Variants in MEX3B observed in about 807,000 individuals in gnomAD.
MEX3B encodes mex-3 RNA binding family member B.
A neutral mutation model predicts 12.2 loss-of-function variants in MEX3B; 10 were observed. The ratio of observed to expected loss-of-function variants is 0.82; its 90% CI spans 0.51 to 1.40. The LOEUF is 1.40. MEX3B is among the 40% of genes most tolerant of loss of function. The pLI is 0.00. For synonymous variants in MEX3B, 498 were observed against 356.3 expected, an observed-to-expected ratio of 1.40 and a Z score of -4.48; for missense variants, 839 against 801.4, an observed-to-expected ratio of 1.05 and a Z score of -0.57.
rs776706874 is a variant in MEX3B, at chr15:82,044,089, GGCCGGACCC to G, written c.772_780del (p.Gly258_Gly260del). 1.9e-5 allele frequency: 31 copies of G among 1,611,590 alleles called. No individual in the cohort carries two copies. The highest frequency in any genetic ancestry group is 6.7e-5 in the African/African-American group (5 of 74,926). ...GTGGGCTTGCTCCAGAGGCTGCCTG[GGCCGGACCC>G]GCCGGACCCATGATGCAGATCGAAG... On this transcript the variant is annotated inframe_deletion, in exon 2 of 2. Coordinates refer to ENST00000329713, the MANE Select transcript of MEX3B (RefSeq NM_032246.6). The surrounding 1 kb of genome is among the most constrained non-coding windows in gnomAD (Gnocchi z 5.3).
At position 82,042,906 on chromosome 15, in the gene MEX3B, G is replaced by A; in HGVS notation, c.*254C>T. On this transcript the variant is annotated 3_prime_UTR_variant, in exon 2 of 2. Transcript: ENST00000329713. ...ATTATTTATAGAGCATGCATTTCAG[G>A]TGTTCAGGTTTCCCAGGCTACAGTA... 2.8e-6 allele frequency: 1 copy of A among 358,554 alleles called. No individual in the cohort carries two copies. The highest frequency in any genetic ancestry group is 4.4e-5 in the Admixed American group (1 of 22,956). The allele number at this position is 358,554 out of a possible 1,614,324, so 22.2% of individuals were successfully genotyped here.
At position 82,044,512 on chromosome 15, in the gene MEX3B, C is replaced by T. The variant is rs1273246927; in HGVS notation, c.358G>A (p.Val120Met). Residue 120 changes from valine to methionine, a missense_variant, in exon 2 of 2, where the codon GTG becomes ATG. By Grantham distance (21) the Val-to-Met change is conservative. Around this residue, in one of 3 missense-constraint regions of MEX3B, gnomAD observed 214 missense variants for 223.8 expected, o/e 0.96. Transcript: ENST00000329713. The surrounding 1 kb of genome is among the most constrained non-coding windows in gnomAD (Gnocchi z 5.3). Reference protein sequence around the residue: ...VFVVTGRKEDVAMARREIISA... With the variant: ...VFVVTGRKEDMAMARREIISA... ...ATGATCTCCCTCCGAGCCATGGCCACATCCTCCTTCCTGCCCGTCACAACA... is the reference window on the plus strand; with the variant it reads ...ATGATCTCCCTCCGAGCCATGGCCATATCCTCCTTCCTGCCCGTCACAACA... 1 of 1,614,176 alleles carries T rather than the reference C, an allele frequency of 6.2e-7. No homozygotes were observed. The highest frequency in any genetic ancestry group is 8.5e-7 in the Non-Finnish European group (1 of 1,180,048).
chr15:82,045,346 C>A (rs1300383688), intron 1 of MEX3B, 104 bp downstream of exon 1: 10 of 1,372,928 alleles, frequency 7.3e-6, no homozygotes, highest in South Asian at 2.5e-5. Flanking sequence ...CTCCCCAAGG[C>A]ACCCCACGCC....
chr15:82,044,191 G>T lies in MEX3B; in HGVS notation c.679C>A (p.Leu227Met). The T allele has an allele frequency of 6.2e-7, 1 of 1,614,026 alleles. No individual in the cohort carries two copies. Among genetic ancestry groups the T allele is most frequent in the South Asian group, 1.1e-5 (1 of 91,086 alleles). ...AREEIEAHIA[L>M]RTGGIIELTD... ...AGCTCAATGATGCCGCCGGTACGCAGAGCAATGTGCGCCTCAATCTCCTCT... is the reference window on the plus strand; with the variant it reads ...AGCTCAATGATGCCGCCGGTACGCATAGCAATGTGCGCCTCAATCTCCTCT... Residue 227 changes from leucine to methionine, a missense_variant, in exon 2 of 2, where the codon CTG becomes ATG. Physicochemically the swap from Leu to Met is conservative, Grantham distance 15. Coordinates refer to ENST00000329713, the MANE Select transcript of MEX3B (RefSeq NM_032246.6). The surrounding 1 kb of genome is among the most constrained non-coding windows in gnomAD (Gnocchi z 5.3).
Position 82,044,959 on chromosome 15 carries a change from G to T in MEX3B, c.257-346C>A. 3.5e-6 allele frequency: 2 copies of T among 579,002 alleles called. No individual in the cohort carries two copies. The highest frequency in any genetic ancestry group is 3.1e-6 in the Non-Finnish European group (1 of 325,794). The allele number at this position is 579,002 out of a possible 1,614,324, so 35.9% of individuals were successfully genotyped here. ...GTCAGCTCTGAAGACACGGGGAAGG[G>T]GCTCGGGGAAGGCAGCTGAAGTCGC... On this transcript the variant is annotated intron_variant, in intron 1 of 1. Transcript: ENST00000329713. This position sits in a 1 kb window ranked among gnomAD's most constrained non-coding sequence, Gnocchi z 5.3.
Position 82,043,882 on chromosome 15 carries a change from T to C in MEX3B, c.988A>G (p.Asn330Asp), listed in dbSNP as rs2073237951. The change falls in exon 2 of 2, where the codon AAC becomes GAC. Residue 330 changes from asparagine (N) to aspartate (D), a missense_variant. By Grantham distance (23) the Asn-to-Asp change is conservative. Coordinates refer to ENST00000329713, the MANE Select transcript of MEX3B (RefSeq NM_032246.6). ...PPSPALSFAHNGNNNNNGNGY... is the reference protein window; with the variant it reads ...PPSPALSFAHDGNNNNNGNGY... ...TTGCCGTTATTGTTATTGTTTCCGT[T>C]GTGCGCAAAGCTCAGGGCGGGGCTA... is the stretch of plus-strand genomic sequence containing the variant. 6.3e-7 allele frequency: 1 copy of C among 1,589,506 alleles called. No individual in the cohort carries two copies. Among genetic ancestry groups the C allele is most frequent in the Non-Finnish European group, 8.6e-7 (1 of 1,169,330 alleles).
Position 82,043,557 on chromosome 15 carries a change from C to T in MEX3B, c.1313G>A (p.Cys438Tyr), listed in dbSNP as rs369746192. 1.5e-4 allele frequency: 224 copies of T among 1,540,438 alleles called. 1 individual carries two copies. The highest frequency in any genetic ancestry group is 6.4e-5 in the Admixed American group (3 of 46,992). The change falls in exon 2 of 2, where the codon TGC (cysteine) becomes TAC (tyrosine). Residue 438 changes from cysteine to tyrosine, a missense_variant. Cys to Tyr is a radical substitution (Grantham distance 194, BLOSUM62 -2). Around this residue, in one of 3 missense-constraint regions of MEX3B, gnomAD observed 573 missense variants for 488.9 expected, o/e 1.17. Transcript: ENST00000329713. ...GTGCAAGGGTGGAGACAGGCGCGGG[C>T]AGCTGGTGCCAGGGTGCAGCCGGCG... ...VHRRLHPGTS[C>Y]PRLSPPLHMA...
rs370655383 is a variant in MEX3B, at chr15:82,045,527, C to G, written c.179G>C (p.Arg60Pro). 91 of 1,612,430 alleles carry G rather than the reference C, an allele frequency of 5.6e-5. No individual in the cohort carries two copies. The highest frequency in any genetic ancestry group is 7.5e-5 in the Non-Finnish European group (89 of 1,179,840). The change falls in exon 1 of 2, where the codon CGC becomes CCC. Residue 60 changes from arginine to proline, a missense_variant. This residue lies in a region of MEX3B where 214 missense variants were observed against 223.8 expected (regional missense o/e 0.96). Transcript: ENST00000329713. ...EGASLYDSEP[R>P]KKSVNMTECV... ...CTCGGTCATGTTCACGCTCTTCTTG[C>G]GCGGCTCGCTGTCGTACAGAGAGGC...
rs758855531 is a variant in MEX3B at position 82,044,623 on chromosome 15, A to C, written c.257-10T>G. Reference sequence around the variant, plus strand: ...GCTTTGATTTTACAACCTACGAACCAGGGTGCGGAGGAGGGAGTGGGAGAG... The same window carrying C: ...GCTTTGATTTTACAACCTACGAACCCGGGTGCGGAGGAGGGAGTGGGAGAG... On this transcript the variant is annotated splice_polypyrimidine_tract_variant and intron_variant, in intron 1 of 1. Coordinates refer to ENST00000329713, the MANE Select transcript of MEX3B (RefSeq NM_032246.6). The surrounding 1 kb of genome is among the most constrained non-coding windows in gnomAD (Gnocchi z 5.3). 5.6e-6 allele frequency: 9 copies of C among 1,613,994 alleles called. 1 individual carries two copies. In the South Asian group the frequency reaches 9.9e-5, roughly 18 times the overall value.
chr15:82,045,436 C>T lies in MEX3B; in HGVS notation c.256+14G>A, dbSNP rs1410296385. On this transcript the variant is annotated intron_variant, in intron 1 of 1. Coordinates refer to ENST00000329713, the MANE Select transcript of MEX3B (RefSeq NM_032246.6). ...CACCACCCCCACCCACCTCCCCATC[C>T]CTCCTCGACCTACCTTGCCGCCCCA... is the stretch of plus-strand genomic sequence containing the variant. 3 of 1,604,588 alleles carry T rather than the reference C, an allele frequency of 1.9e-6. No homozygotes were observed. The highest frequency in any genetic ancestry group is 2.5e-6 in the Non-Finnish European group (3 of 1,177,004).
Position 82,044,450 on chromosome 15 carries a change from G to C in MEX3B, c.420C>G (p.Ser140=), listed in dbSNP as rs371791580. 6 of 1,613,200 alleles carry C rather than the reference G, an allele frequency of 3.7e-6. No individual in the cohort carries two copies. In the African/African-American group the frequency reaches 4.0e-5, roughly 11 times the overall value. The change falls in exon 2 of 2, where the codon TCC becomes TCG. Residue 140 remains serine (S), a synonymous_variant. Transcript: ENST00000329713. The surrounding 1 kb of genome is among the most constrained non-coding windows in gnomAD (Gnocchi z 5.3). The part of the protein sequence containing the change: ...AAEHFSMIRA[S]RNKNTALNGA... ...CGTTGAGTGCCGTGTTCTTATTCCGGGAGGCGCGGATCATGGAGAAGTGCT... is the reference window on the plus strand; with the variant it reads ...CGTTGAGTGCCGTGTTCTTATTCCGCGAGGCGCGGATCATGGAGAAGTGCT...
In MEX3B at chr15:82,044,533, C is replaced by G. The variant is rs1430795007; in HGVS notation, c.337G>C (p.Val113Leu). 1 of 1,614,148 alleles carries G rather than the reference C, an allele frequency of 6.2e-7. No individual in the cohort carries two copies. The highest frequency in any genetic ancestry group is 8.5e-7 in the Non-Finnish European group (1 of 1,180,018). Residue 113 changes from valine (V) to leucine (L), a missense_variant, in exon 2 of 2, where the codon GTG becomes CTG. Coordinates refer to ENST00000329713, the MANE Select transcript of MEX3B (RefSeq NM_032246.6). The surrounding 1 kb of genome is among the most constrained non-coding windows in gnomAD (Gnocchi z 5.3). The stretch of plus-strand genomic sequence containing the variant: ...GCCACATCCTCCTTCCTGCCCGTCA[C>G]AACAAAGACAGGCTCCTCCCCGCGA... Reference protein sequence around the residue: ...PVRGEEPVFVVTGRKEDVAMA... With the variant: ...PVRGEEPVFVLTGRKEDVAMA...
At position 82,043,385 on chromosome 15, in the gene MEX3B, A is replaced by G; in HGVS notation, c.1485T>C (p.Ser495=). 2 of 1,587,426 alleles carry G rather than the reference A, an allele frequency of 1.3e-6. No homozygotes were observed. Among genetic ancestry groups the G allele is most frequent in the African/African-American group, 2.7e-5 (2 of 74,354 alleles). The change falls in exon 2 of 2, where the codon TCT becomes TCC. Residue 495 remains serine, a synonymous_variant. Transcript: ENST00000329713. ...AAGAGCTGGAGGAGGAGCTGGACGA[A>G]GAGGAGGAGCCCGACGTGTCCGACG... The part of the protein sequence containing the change: ...LQPSDTSGSS[S]SSSSSSSSSS...
At position 82,043,699 on chromosome 15, in the gene MEX3B, G is replaced by A. The variant is rs761542950; in HGVS notation, c.1171C>T (p.Pro391Ser). The A allele has an allele frequency of 5.0e-6, 8 of 1,600,706 alleles. No individual in the cohort carries two copies. The highest frequency in any genetic ancestry group is 6.8e-6 in the Non-Finnish European group (8 of 1,174,284). Residue 391 changes from proline to serine, a missense_variant, in exon 2 of 2, where the codon CCG becomes TCG. Around this residue, in one of 3 missense-constraint regions of MEX3B, gnomAD observed 573 missense variants for 488.9 expected, o/e 1.17. Transcript: ENST00000329713. ...ERSPGGGPAA[P>S]VSSSCSSSAS... ...GAAGAAGAGCAGGAAGAAGATACCG[G>A]AGCTGCAGGTCCGCCTCCCGGGGAC...
rs2073245055 is a variant in MEX3B at position 82,044,639 on chromosome 15, AGTGG to A, written c.257-30_257-27del. 1 of 1,611,378 alleles carries A rather than the reference AGTGG, an allele frequency of 6.2e-7. No individual in the cohort carries two copies. Among genetic ancestry groups the A allele is most frequent in the African/African-American group, 1.3e-5 (1 of 74,820 alleles). Reference sequence around the variant, plus strand: ...CTACGAACCAGGGTGCGGAGGAGGGAGTGGGAGAGAGAGACAGACACGCCCATTA... The same window carrying A: ...CTACGAACCAGGGTGCGGAGGAGGGAGAGAGAGAGACAGACACGCCCATTA... On this transcript the variant is annotated intron_variant, in intron 1 of 1. Transcript: ENST00000329713. This position sits in a 1 kb window ranked among gnomAD's most constrained non-coding sequence, Gnocchi z 5.3.
Position 82,045,658 on chromosome 15 carries a change from G to C in MEX3B, c.48C>G (p.Gly16=). ...CCCCTCCGCTGCTGCCGCCGCCGCC[G>C]CCGCCGCTGCCGTTGCGCTCCAGGT... The part of the protein sequence containing the change: ...FADLERNGSG[G]GGGGSSGGGE... Residue 16 remains glycine, a synonymous_variant, in exon 1 of 2, where the codon GGC becomes GGG. Transcript: ENST00000329713. The C allele has an allele frequency of 6.4e-7, 1 of 1,560,770 alleles. No homozygotes were observed. Among genetic ancestry groups the C allele is most frequent in the Non-Finnish European group, 8.6e-7 (1 of 1,158,938 alleles).
Position 82,043,832 on chromosome 15 carries a change from T to G in MEX3B, c.1038A>C (p.Gly346=), listed in dbSNP as rs2073237212. 1 of 1,590,782 alleles carries G rather than the reference T, an allele frequency of 6.3e-7. No homozygotes were observed. Among genetic ancestry groups the G allele is most frequent in the East Asian group, 2.2e-5 (1 of 44,686 alleles). The part of the protein sequence containing the change: ...NGNGYTYTAG[G]EASVPSPDGC... ...CGTCGGGGGATGGCACTGAGGCTTC[T>G]CCCCCCGCTGTGTAGGTGTACCCAT... Residue 346 remains glycine, a synonymous_variant, in exon 2 of 2, where the codon GGA becomes GGC. Coordinates refer to ENST00000329713, the MANE Select transcript of MEX3B (RefSeq NM_032246.6).
At position 82,044,689 on chromosome 15, in the gene MEX3B, C is replaced by CCT; in HGVS notation, c.257-77_257-76insAG. 1 of 1,435,812 alleles carries CCT rather than the reference C, an allele frequency of 7.0e-7. No individual in the cohort carries two copies. The highest frequency in any genetic ancestry group is 2.3e-5 in the East Asian group (1 of 43,872). The allele number at this position is 1,435,812 out of a possible 1,614,324, so 88.9% of individuals were successfully genotyped here. On this transcript the variant is annotated intron_variant, in intron 1 of 1. Transcript: ENST00000329713. This position sits in a 1 kb window ranked among gnomAD's most constrained non-coding sequence, Gnocchi z 5.3. ...CATTATCCTGGGGTAACCGCGGGGA[C>CCT]CGGGGACAGCCCGCGTCCAGGACAG...
rs1235230008 is a variant in MEX3B at position 82,043,484 on chromosome 15, G to T, written c.1386C>A (p.Ser462Arg). Residue 462 changes from serine to arginine, a missense_variant, in exon 2 of 2, where the codon AGC (serine) becomes AGA (arginine). Coordinates refer to ENST00000329713, the MANE Select transcript of MEX3B (RefSeq NM_032246.6). ...AGGCCAGGCCTCCTCCACCCGGGTC[G>T]CTGCGCACCCGGCGAGCCAGGTGGT... ...GEHHLARRVR[S>R]DPGGGGLAYA... The T allele has an allele frequency of 6.6e-7, 1 of 1,521,918 alleles. No individual in the cohort carries two copies. Among genetic ancestry groups the T allele is most frequent in the Non-Finnish European group, 8.8e-7 (1 of 1,134,030 alleles). The allele number at this position is 1,521,918 out of a possible 1,614,324, so 94.3% of individuals were successfully genotyped here.
Sources: gnomAD v4.1 joint callset for allele counts on GRCh38, gnomAD v4.1.1 for gene constraint, gnomAD v4.1.1 regional missense constraint, Gnocchi (gnomAD v3.1) non-coding constraint, MANE v1.5 for transcripts, NCBI Gene and HGNC (gene_info 2026-07-23, HGNC 2026-07-21) for gene names.